Variants in PIK3C2G observed in about 807,000 individuals in gnomAD.
PIK3C2G encodes phosphatidylinositol-4-phosphate 3-kinase catalytic subunit type 2 gamma, also known as phosphatidylinositol 3-kinase C2 domain-containing subunit gamma.
A neutral mutation model predicts 181.1 loss-of-function variants in PIK3C2G; 168 were observed. That is an observed-to-expected ratio of 0.93 (90% CI 0.82 to 1.05). The LOEUF is 1.05. PIK3C2G is among the 50% of genes least tolerant of loss of function. The pLI is 0.00. For missense variants in PIK3C2G, 1,869 were observed against 1,732.8 expected (o/e 1.08, Z -1.40); for synonymous variants, 573 against 592.2 (o/e 0.97, Z 0.47).
intron 14 of PIK3C2G, among the ~76,000 whole-genome samples, chr12:18,390,584 A>G (rs114689584): frequency 0.012 from 1,877 of 152,248 alleles, 37 homozygotes; most frequent in African/African-American, 0.042. Flanking sequence ...GAAATATTCT[A>G]TTTGATTTTT....
Position 18,293,968 on chromosome 12 carries a change from C to T in PIK3C2G, c.987C>T (p.Pro329=). The change falls in exon 5 of 33, where the codon CCC becomes CCT. Residue 329 remains proline, a synonymous_variant. Coordinates refer to ENST00000538779, the MANE Select transcript of PIK3C2G (RefSeq NM_001288772.2). The part of the protein sequence containing the change: ...LHFCTNDQLL[P]KDHILSVCGS... ...TTTGCACAAATGACCAGCTACTCCC[C>T]AAAGATCATATTCTAAGTGTATGTG... 1 of 1,600,254 alleles carries T rather than the reference C, an allele frequency of 6.2e-7. No individual in the cohort carries two copies. The highest frequency in any genetic ancestry group is 2.2e-5 in the East Asian group (1 of 44,684).
At chr12:18,647,413 T>C (rs1950194960) in intron 32 of PIK3C2G, among the ~76,000 whole-genome samples, 1 of 151,148 alleles carries the variant, frequency 6.6e-6, no homozygotes, top group African/African-American at 2.4e-5. Flanking sequence ...AATATACCTC[T>C]GGTACAAACC....
In PIK3C2G at chr12:18,580,828, AT is replaced by A. The variant is rs533829377; in HGVS notation, c.4012-13661del. 3.6e-3 allele frequency among the ~76,000 whole-genome samples: 546 copies of A among 152,304 alleles called. 3 individuals are homozygous for A. Among genetic ancestry groups the A allele is most frequent in the African/African-American group, 0.012 (503 of 41,566 alleles). ...TATGGAAATTCGTTTTTAAATTCAC[AT>A]TTTTACAGCACTTCATCGTGTTTGA... On this transcript the variant is annotated intron_variant, in intron 29 of 32. Coordinates refer to ENST00000538779, the MANE Select transcript of PIK3C2G (RefSeq NM_001288772.2).
chr12:18,261,308 A>T (rs192328208), upstream of PIK3C2G, among the ~76,000 whole-genome samples: 1 of 152,284 alleles, frequency 6.6e-6, no homozygotes, highest in Admixed American at 6.5e-5. Flanking sequence ...TCTGTTTAGC[A>T]CAGAGAAGCT....
At chr12:18,593,441 G>A (rs1434811056) in intron 29 of PIK3C2G, among the ~76,000 whole-genome samples, 2 of 151,882 alleles carry the variant, frequency 1.3e-5, no homozygotes, top group Admixed American at 1.3e-4. Flanking sequence ...CAGAGAAGGA[G>A]TCAGAGTTGG....
the PIK3C2G span, among the ~76,000 whole-genome samples, chr12:18,709,382 T>C: frequency 7.2e-3 from 1,103 of 152,226 alleles, 11 homozygotes; most frequent in African/African-American, 0.025. Flanking sequence ...TATATGTCTG[T>C]TTTTCTGCAC....
chr12:18,325,287 T>C (rs1444960879), intron 8 of PIK3C2G, among the ~76,000 whole-genome samples, 189 bp downstream of exon 8: 1 of 152,216 alleles, frequency 6.6e-6, no homozygotes, highest in South Asian at 2.1e-4. Context: ...GTGCTACAGC[T>C]GCTGAGGAAA....
chr12:18,597,990 A>C (rs1947473299), intron 30 of PIK3C2G, among the ~76,000 whole-genome samples: 1 of 151,846 alleles, frequency 6.6e-6, no homozygotes, highest in South Asian at 2.1e-4. Flanking sequence ...TGCTCAAGGA[A>C]ATAAAAGAGG....
chr12:18,586,062 C>T (rs1360997422), intron 29 of PIK3C2G, among the ~76,000 whole-genome samples: 5 of 152,006 alleles, frequency 3.3e-5, no homozygotes, highest in East Asian at 1.9e-4. Context: ...TTAAGAGGGA[C>T]ATTTATAGCT....
intron 18 of PIK3C2G, among the ~76,000 whole-genome samples, chr12:18,473,319 A>T (rs1938633400): frequency 6.6e-6 from 1 of 152,206 alleles, no homozygotes; most frequent in African/African-American, 2.4e-5. Flanking sequence ...ACATGCTTGG[A>T]AAAACACTGA....
intron 16 of PIK3C2G, among the ~76,000 whole-genome samples, chr12:18,407,929 A>T (rs1399836752): frequency 6.6e-6 from 1 of 152,182 alleles, no homozygotes; most frequent in Non-Finnish European, 1.5e-5. Flanking sequence ...TTGAAGGTCA[A>T]ACTAGAAGAC....
chr12:18,412,470 G>A (rs77979387), intron 16 of PIK3C2G, among the ~76,000 whole-genome samples: 5,005 of 152,210 alleles, frequency 0.033, 127 homozygotes, highest in Middle Eastern at 0.058. Flanking sequence ...CAGATTTAAC[G>A]TGGAAGCAGT....
rs188414832 is a variant in PIK3C2G, at chr12:18,373,019, A to T, written c.1880+1708A>T. ...CAATAAGGATTTCTAAACATTTTTC[A>T]AAAAAAACCTGTTTCTCTTGAAAAT... On this transcript the variant is annotated intron_variant, in intron 13 of 32. Coordinates refer to ENST00000538779, the MANE Select transcript of PIK3C2G (RefSeq NM_001288772.2). Among the ~76,000 whole-genome samples the T allele has an allele frequency of 2.8e-3, 419 of 151,984 alleles. 1 individual carries two copies. Among genetic ancestry groups the T allele is most frequent in the African/African-American group, 9.3e-3 (387 of 41,466 alleles).
At chr12:18,338,653 TTGTGTGTATCTGTG>T (rs1169111511) in intron 9 of PIK3C2G, 105 bp downstream of exon 9, 189 of 716,412 alleles carry the variant, frequency 2.6e-4, no homozygotes, top group Middle Eastern at 1.2e-3. Flanking sequence ...GTGTGTATGT[TTGTGTGTATCTGTG>T]TGTGTGTGTG....
At chr12:18,311,417 T>TAC (rs904323426) in intron 5 of PIK3C2G, among the ~76,000 whole-genome samples, 8 of 152,162 alleles carry the variant, frequency 5.3e-5, no homozygotes, top group African/African-American at 1.9e-4. Flanking sequence ...CACACTCATA[T>TAC]ACACACACAC....
chr12:18,255,662 C>G (rs7975493), intron 1 of PIK3C2G, among the ~76,000 whole-genome samples: 1 of 151,890 alleles, frequency 6.6e-6, no homozygotes, highest in Non-Finnish European at 1.5e-5. Context: ...CCATATTTCA[C>G]TGACTGCAAC....
rs1322903520 is a variant in PIK3C2G at position 18,371,279 on chromosome 12, G to A, written c.1848G>A (p.Leu616=). The A allele has an allele frequency of 1.2e-6, 2 of 1,611,530 alleles. No individual in the cohort carries two copies. Among genetic ancestry groups the A allele is most frequent in the Admixed American group, 3.3e-5 (2 of 59,710 alleles). ...GTGCAACCAACAATGCAAATTTACT[G>A]GCGTGGACTTGTCTTCCACTGTTTC... ...IACATNNANL[L]AWTCLPLFPK... Residue 616 remains leucine (L), a synonymous_variant, in exon 13 of 33, where the codon CTG becomes CTA. Transcript: ENST00000538779.
intron 31 of PIK3C2G, among the ~76,000 whole-genome samples, chr12:18,622,365 A>C (rs186681631): frequency 1.3e-5 from 2 of 151,874 alleles, no homozygotes; most frequent in Non-Finnish European, 2.9e-5. Context: ...AGTTCTATTC[A>C]TGTTATTGTA....
chr12:18,560,062 C>T (rs1207059143), intron 26 of PIK3C2G, among the ~76,000 whole-genome samples: 2 of 151,314 alleles, frequency 1.3e-5, no homozygotes, highest in Non-Finnish European at 2.9e-5. Flanking sequence ...AACTCCTGAC[C>T]TCAGGTGATC....
Sources: gnomAD v4.1 joint callset for allele counts (sites outside exome capture counted in the v4.1 genomes callset) on GRCh38, gnomAD v4.1.1 for gene constraint, MANE v1.5 for transcripts, NCBI Gene and HGNC (gene_info 2026-07-23, HGNC 2026-07-21) for gene names.